CTNNA3: variants seen among roughly 807,000 people sequenced by gnomAD.
CTNNA3 encodes catenin alpha-3.
In CTNNA3, 76 loss-of-function variants were observed where a neutral mutation model predicts 95.7. The ratio of observed to expected loss-of-function variants is 0.79; its 90% CI spans 0.66 to 0.96. The LOEUF is 0.96. Among genes scored for constraint, CTNNA3 ranks in the 40% least tolerant of loss-of-function variants. CTNNA3 has a pLI of 0.00. For missense variants in CTNNA3, 1,191 were observed against 1,089.8 expected (o/e 1.09, Z -1.31); for synonymous variants, 431 against 374.4 (o/e 1.15, Z -1.74).
intron 13 of CTNNA3, among the ~76,000 whole-genome samples, chr10:66,193,941 A>T (rs2086813807): frequency 6.6e-6 from 1 of 152,232 alleles, no homozygotes; most frequent in African/African-American, 2.4e-5. Context: ...TAGCACTTGG[A>T]TAGTCTGTGA....
intron 9 of CTNNA3, among the ~76,000 whole-genome samples, chr10:66,746,233 T>C (rs993700297): frequency 6.6e-6 from 1 of 152,040 alleles, no homozygotes; most frequent in Non-Finnish European, 1.5e-5. Flanking sequence ...GAAAACAAAT[T>C]TCAAGGTAAA....
chr10:67,670,856 G>A (rs571647326), intron 1 of CTNNA3, among the ~76,000 whole-genome samples: 442 of 151,860 alleles, frequency 2.9e-3, no homozygotes, highest in Non-Finnish European at 3.9e-3. Context: ...TGCTATATAC[G>A]TCTACAAGAA....
intron 11 of CTNNA3, among the ~76,000 whole-genome samples, chr10:66,492,965 T>G (rs1346564673): frequency 1.3e-5 from 2 of 152,284 alleles, no homozygotes; most frequent in East Asian, 3.9e-4. Context: ...CCTTCCTTGT[T>G]CTTCTTTGAC....
intron 5 of CTNNA3, among the ~76,000 whole-genome samples, chr10:67,512,052 C>T (rs1296886622): frequency 6.6e-6 from 1 of 152,138 alleles, no homozygotes; most frequent in Non-Finnish European, 1.5e-5. Flanking sequence ...TCCCCTTTAT[C>T]ATCTTTTATT....
rs1036100158 is a variant in CTNNA3, at chr10:65,937,999, T to C, written c.2401-17382A>G. Reference sequence around the variant, plus strand: ...CAAAAAACAAACAAAAACCATGTATTAGTTATTCTGATGTTGTCTTTGATA... The same window carrying C: ...CAAAAAACAAACAAAAACCATGTATCAGTTATTCTGATGTTGTCTTTGATA... On this transcript the variant is annotated intron_variant, in intron 17 of 17. Coordinates refer to ENST00000433211, the MANE Select transcript of CTNNA3 (RefSeq NM_013266.4). 2.0e-5 allele frequency among the ~76,000 whole-genome samples: 3 copies of C among 149,020 alleles called. No individual in the cohort carries two copies. The Admixed American group carries it at 2.0e-4, about 10-fold the overall frequency.
intron 17 of CTNNA3, among the ~76,000 whole-genome samples, chr10:65,946,116 A>G (rs2077512815): frequency 6.6e-6 from 1 of 152,134 alleles, no homozygotes; most frequent in Non-Finnish European, 1.5e-5. Flanking sequence ...AGACCTCTTT[A>G]AGTTGCAATT....
intron 15 of CTNNA3, among the ~76,000 whole-genome samples, chr10:65,998,394 C>G (rs976718228): frequency 6.6e-6 from 1 of 151,990 alleles, no homozygotes; most frequent in African/African-American, 2.4e-5. Flanking sequence ...AAAAAATAAA[C>G]GAATGATTAT....
chr10:67,629,336 G>A (rs952114738), intron 2 of CTNNA3, among the ~76,000 whole-genome samples: 5 of 150,970 alleles, frequency 3.3e-5, no homozygotes, highest in African/African-American at 9.9e-5. Context: ...GAAGCCACTA[G>A]GACATGGCTA....
chr10:66,290,690 C>G (rs560846782), intron 12 of CTNNA3, among the ~76,000 whole-genome samples: 52 of 152,140 alleles, frequency 3.4e-4, no homozygotes, highest in African/African-American at 1.3e-3. Flanking sequence ...TGATTTGCAC[C>G]TACCTGATAT....
intron 10 of CTNNA3, among the ~76,000 whole-genome samples, chr10:66,602,742 T>G (rs567801497): frequency 3.0e-4 from 46 of 152,128 alleles, no homozygotes; most frequent in African/African-American, 1.1e-3. Flanking sequence ...AAAAGATCAT[T>G]CACCATGACC....
intron 12 of CTNNA3, among the ~76,000 whole-genome samples, chr10:66,323,230 C>T (rs1035738675): frequency 1.3e-5 from 2 of 152,010 alleles, no homozygotes; most frequent in Non-Finnish European, 2.9e-5. Flanking sequence ...TAATCTGCCA[C>T]ACTAAGTATC....
chr10:67,260,656 A>C (rs895418713), intron 5 of CTNNA3, among the ~76,000 whole-genome samples: 1 of 151,186 alleles, frequency 6.6e-6, no homozygotes, highest in Non-Finnish European at 1.5e-5. Context: ...ATGCTACGTG[A>C]CTTTCACTGT....
chr10:66,786,841 C>A (rs1242453555), intron 7 of CTNNA3, among the ~76,000 whole-genome samples: 6 of 151,976 alleles, frequency 3.9e-5, no homozygotes, highest in African/African-American at 1.5e-4. Context: ...AGAGGGCAGG[C>A]CTGACAGTGG....
chr10:65,926,997 A>G (rs1589136445), intron 17 of CTNNA3, among the ~76,000 whole-genome samples: 1 of 152,136 alleles, frequency 6.6e-6, no homozygotes, highest in Non-Finnish European at 1.5e-5. Context: ...TTTTCTATGT[A>G]TGAAAGCATA....
At chr10:67,192,434 ATAAG>A (rs966570664) in intron 6 of CTNNA3, among the ~76,000 whole-genome samples, 1 of 151,954 alleles carries the variant, frequency 6.6e-6, no homozygotes, top group African/African-American at 2.4e-5. Context: ...CCAATTAAAA[ATAAG>A]TAAAGGCGCT....
chr10:67,522,412 G>A (rs1222380748), intron 4 of CTNNA3, among the ~76,000 whole-genome samples: 1 of 152,104 alleles, frequency 6.6e-6, no homozygotes, highest in African/African-American at 2.4e-5. Context: ...ATAATGGCAT[G>A]GAATCTGGCT....
At chr10:67,055,879 T>C (rs181432978) in intron 7 of CTNNA3, among the ~76,000 whole-genome samples, 125 of 152,242 alleles carry the variant, frequency 8.2e-4, no homozygotes, top group African/African-American at 2.9e-3. Flanking sequence ...TAATCCATCA[T>C]GAATATAGAT....
chr10:67,129,454 A>T (rs1052200175), intron 7 of CTNNA3, among the ~76,000 whole-genome samples: 7 of 152,180 alleles, frequency 4.6e-5, no homozygotes, highest in Admixed American at 3.3e-4. Context: ...ATAGCTTATT[A>T]ACCACAAACA....
At chr10:67,205,540 C>A (rs891043984) in intron 6 of CTNNA3, among the ~76,000 whole-genome samples, 25 of 152,152 alleles carry the variant, frequency 1.6e-4, no homozygotes, top group African/African-American at 5.3e-4. Flanking sequence ...CAAGGCCTAG[C>A]TCAATTTCCT....
Sources: gnomAD v4.1 joint callset for allele counts (sites outside exome capture counted in the v4.1 genomes callset) on GRCh38, gnomAD v4.1.1 for gene constraint, MANE v1.5 for transcripts, NCBI Gene and HGNC (gene_info 2026-07-23, HGNC 2026-07-21) for gene names.